Variants in DLGAP2 observed in about 807,000 individuals in gnomAD.
DLGAP2 encodes the protein DLG associated protein 2.
In DLGAP2, 26 loss-of-function variants were observed where a neutral mutation model predicts 100.3. That is an observed-to-expected ratio of 0.26 (90% CI 0.19 to 0.36). The LOEUF is 0.36. Ranked by LOEUF, DLGAP2 falls within the 10% of genes least tolerant of loss-of-function variation. The pLI is 1.00. For missense variants in DLGAP2, 1,858 were observed against 1,453.2 expected (o/e 1.28, Z -4.53); for synonymous variants, 886 against 630.1 (o/e 1.41, Z -6.08).
rs1308120894 is a variant in DLGAP2, at chr8:1,701,412, G to T, written c.*6G>T. ...AGGCCCAGACCCGGCTCTGAGGGCG[G>T]AGGCCGGCGCCTTCCCCTCGTCGCT... On this transcript the variant is annotated 3_prime_UTR_variant, in exon 15 of 15. Coordinates refer to ENST00000637795, the MANE Select transcript of DLGAP2 (RefSeq NM_001346810.2). 6.3e-7 allele frequency: 1 copy of T among 1,578,320 alleles called. No homozygotes were observed. Among genetic ancestry groups the T allele is most frequent in the East Asian group, 2.3e-5 (1 of 43,010 alleles).
intron 1 of DLGAP2, among the ~76,000 whole-genome samples, 164 bp from the exon 2 acceptor site, chr8:907,745 GTCA>G (rs1282091689): frequency 6.6e-6 from 1 of 152,208 alleles, no homozygotes; most frequent in Admixed American, 6.5e-5. Context: ...AAAAATGTGT[GTCA>G]TCAAGATTTT....
At chr8:902,876 T>C (rs1403756916) in intron 1 of DLGAP2, among the ~76,000 whole-genome samples, 1 of 38,534 alleles carries the variant, frequency 2.6e-5, no homozygotes, top group Non-Finnish European at 4.8e-5. Flanking sequence ...GGAAAGTGTG[T>C]GGGTGGGCAG....
At chr8:1,238,251 A>G (rs1277594968) in intron 2 of DLGAP2, among the ~76,000 whole-genome samples, 2 of 51,440 alleles carry the variant, frequency 3.9e-5, no homozygotes, top group African/African-American at 1.1e-4. Flanking sequence ...TGCCATGTCT[A>G]GTTCTCTCAC....
chr8:999,211 C>T (rs185909466), intron 2 of DLGAP2, among the ~76,000 whole-genome samples: 1 of 151,870 alleles, frequency 6.6e-6, no homozygotes, highest in Non-Finnish European at 1.5e-5. Flanking sequence ...ACTTTCTCCT[C>T]CCGTGTCGGT....
intron 2 of DLGAP2, among the ~76,000 whole-genome samples, chr8:1,003,550 G>A (rs1247860112): frequency 2.0e-5 from 3 of 152,204 alleles, no homozygotes; most frequent in South Asian, 2.1e-4. Context: ...CATTTAGTAA[G>A]CAGTGAGCAT....
intron 8 of DLGAP2, among the ~76,000 whole-genome samples, chr8:1,641,947 T>C (rs374982216): frequency 0.076 from 3,552 of 46,764 alleles, 65 homozygotes; most frequent in African/African-American, 0.16. Flanking sequence ...ACCCCGCCGG[T>C]CCTCACCTGT....
At chr8:758,889 C>T (rs2132585602) in intron 1 of DLGAP2, among the ~76,000 whole-genome samples, 1 of 152,052 alleles carries the variant, frequency 6.6e-6, no homozygotes, top group East Asian at 1.9e-4. Context: ...GTTTTAGATA[C>T]ACAGCAAAAT....
intron 6 of DLGAP2, among the ~76,000 whole-genome samples, chr8:1,573,575 G>C (rs1802838752): frequency 6.6e-6 from 1 of 151,980 alleles, no homozygotes; most frequent in African/African-American, 2.4e-5. Context: ...GTTATATTTA[G>C]TCATCAATAA....
At position 852,160 on chromosome 8, in the gene DLGAP2, A is replaced by AG. The variant is rs201846683; in HGVS notation, c.19-55752_19-55751insG. Among the ~76,000 whole-genome samples, 1,429 of 151,820 alleles carry AG rather than the reference A, an allele frequency of 9.4e-3. 13 individuals carry two copies. Among genetic ancestry groups the AG allele is most frequent in the Non-Finnish European group, 0.012 (834 of 67,898 alleles). Reference sequence around the variant, plus strand: ...GGACACATTGGAAGCTAAAAAAAAAACATGTCAAAAACAGTTTAAAGAATT... The same window carrying AG: ...GGACACATTGGAAGCTAAAAAAAAAAGCATGTCAAAAACAGTTTAAAGAATT... On this transcript the variant is annotated intron_variant, in intron 1 of 14. Transcript: ENST00000637795.
chr8:875,026 T>C (rs921760796), intron 1 of DLGAP2, among the ~76,000 whole-genome samples: 1 of 152,224 alleles, frequency 6.6e-6, no homozygotes, highest in Non-Finnish European at 1.5e-5. Flanking sequence ...ACAGTTTTTG[T>C]TTTAAAGTCA....
At chr8:1,235,157 AGTTCTCTCACACATGGCGCCG>A (rs1798620191) in intron 2 of DLGAP2, among the ~76,000 whole-genome samples, 1 of 129,096 alleles carries the variant, frequency 7.7e-6, no homozygotes, top group Non-Finnish European at 1.6e-5. Context: ...CGTCGTGTCT[AGTTCTCTCACACATGGCGCCG>A]TGTCTGCTTC....
rs545269641 is a variant in DLGAP2 at position 1,442,909 on chromosome 8, A to G, written c.107-58457A>G. On this transcript the variant is annotated intron_variant, in intron 3 of 14. Coordinates refer to ENST00000637795, the MANE Select transcript of DLGAP2 (RefSeq NM_001346810.2). ...TCCTGAGTCTAGCTATTTGTATGAC[A>G]TAAATTTGCTTACATCTTTTACCGT... 6.6e-5 allele frequency among the ~76,000 whole-genome samples: 10 copies of G among 152,386 alleles called. No individual in the cohort carries two copies. In the South Asian group the frequency reaches 2.1e-3, roughly 32 times the overall value.
chr8:1,146,273 G>A (rs1035246874), intron 2 of DLGAP2, among the ~76,000 whole-genome samples: 4 of 152,148 alleles, frequency 2.6e-5, no homozygotes, highest in Admixed American at 1.3e-4. Flanking sequence ...ATCTGATATC[G>A]CGTAGCCTCT....
intron 3 of DLGAP2, among the ~76,000 whole-genome samples, chr8:1,271,069 T>A (rs976085754): frequency 6.6e-6 from 1 of 152,206 alleles, no homozygotes; most frequent in South Asian, 2.1e-4. Flanking sequence ...TTTCCCCACG[T>A]CTTCATGAAA....
intron 2 of DLGAP2, among the ~76,000 whole-genome samples, chr8:1,005,702 G>A (rs188394049): frequency 2.6e-4 from 40 of 151,978 alleles, no homozygotes; most frequent in Admixed American, 5.3e-4. Context: ...TTACAGGCAT[G>A]AGCCACCGCT....
chr8:1,485,442 A>C (rs1435211730), intron 3 of DLGAP2, among the ~76,000 whole-genome samples: 1 of 152,276 alleles, frequency 6.6e-6, no homozygotes, highest in Non-Finnish European at 1.5e-5. Context: ...ATGAGGCTTC[A>C]CATAAGAAAG....
intron 10 of DLGAP2, among the ~76,000 whole-genome samples, chr8:1,671,011 G>T (rs573443138): frequency 6.6e-6 from 1 of 152,316 alleles, no homozygotes; most frequent in Admixed American, 6.5e-5. Context: ...CCACGTCCCT[G>T]CCAGGCACCA....
At chr8:1,387,392 G>A (rs1170755972) in intron 3 of DLGAP2, among the ~76,000 whole-genome samples, 2 of 152,214 alleles carry the variant, frequency 1.3e-5, no homozygotes, top group Non-Finnish European at 2.9e-5. Context: ...ATTGGGCAGT[G>A]GCCACGGGGC....
chr8:857,942 C>T (rs1797313024), intron 1 of DLGAP2, among the ~76,000 whole-genome samples: 1 of 149,762 alleles, frequency 6.7e-6, no homozygotes, highest in Non-Finnish European at 1.5e-5. Context: ...GTGATCTCGG[C>T]TCACTGCAGC....
Sources: allele counts gnomAD v4.1 joint callset (sites outside exome capture counted in the v4.1 genomes callset), GRCh38; gene constraint gnomAD v4.1.1; transcripts MANE v1.5; gene names NCBI Gene and HGNC (gene_info 2026-07-23, HGNC 2026-07-21).